Variants in KCNH5 observed in about 807,000 individuals in gnomAD.
KCNH5 encodes the protein potassium voltage-gated channel subfamily H member 5.
In KCNH5, 46 loss-of-function variants were observed where a neutral mutation model predicts 96.1. The ratio of observed to expected loss-of-function variants is 0.48; its 90% CI spans 0.38 to 0.61. The LOEUF (loss-of-function observed/expected upper bound fraction) is 0.61. Among genes scored for constraint, KCNH5 ranks in the 20% least tolerant of loss-of-function variants. The pLI is 0.00. For missense variants in KCNH5, 907 were observed against 1,225.8 expected (o/e 0.74, Z 3.88); for synonymous variants, 439 against 449.8 (o/e 0.98, Z 0.30).
chr14:62,960,822 T>C (rs188147196), intron 6 of KCNH5, among the ~76,000 whole-genome samples: 10 of 152,284 alleles, frequency 6.6e-5, no homozygotes, highest in African/African-American at 2.2e-4. Flanking sequence ...ATGGATTAGC[T>C]AGCATCCTTC....
chr14:62,741,790 A>C (rs1451390835), intron 10 of KCNH5, among the ~76,000 whole-genome samples: 1 of 152,160 alleles, frequency 6.6e-6, no homozygotes, highest in Non-Finnish European at 1.5e-5. Flanking sequence ...TAGCCTCTAC[A>C]TTTGTGTTTT....
Position 63,035,951 on chromosome 14 carries a change from A to G in KCNH5, c.73+9163T>C, listed in dbSNP as rs150815457. On this transcript the variant is annotated intron_variant, in intron 1 of 10. Coordinates refer to ENST00000322893, the MANE Select transcript of KCNH5 (RefSeq NM_139318.5). ...TCACCAGGAGTAAGGGCTAGACAGGAGTCTGTGTTGTCAAGAACTCAACAC... is the reference window on the plus strand; with the variant it reads ...TCACCAGGAGTAAGGGCTAGACAGGGGTCTGTGTTGTCAAGAACTCAACAC... 4.8e-3 allele frequency among the ~76,000 whole-genome samples: 732 copies of G among 152,308 alleles called. 6 individuals are homozygous for G. The highest frequency in any genetic ancestry group is 4.9e-3 in the Non-Finnish European group (331 of 68,024).
chr14:62,939,831 T>G (rs1889754782), intron 7 of KCNH5, among the ~76,000 whole-genome samples: 1 of 151,912 alleles, frequency 6.6e-6, no homozygotes, highest in Non-Finnish European at 1.5e-5. Flanking sequence ...CCCCAGTTAC[T>G]TGGGAGGCTG....
At chr14:63,025,602 T>C (rs573685417) in intron 1 of KCNH5, among the ~76,000 whole-genome samples, 2 of 124,852 alleles carry the variant, frequency 1.6e-5, no homozygotes, top group Non-Finnish European at 3.3e-5. Flanking sequence ...AAGAAAACAA[T>C]ACCATTTACA....
chr14:62,814,422 A>G (rs1343061086), intron 8 of KCNH5, among the ~76,000 whole-genome samples: 2 of 152,132 alleles, frequency 1.3e-5, no homozygotes, highest in Admixed American at 6.6e-5. Flanking sequence ...GTGCTTTTAC[A>G]TACCTGTGAA....
At chr14:62,912,372 A>G (rs1035661244) in intron 7 of KCNH5, among the ~76,000 whole-genome samples, 1 of 151,204 alleles carries the variant, frequency 6.6e-6, no homozygotes, top group Non-Finnish European at 1.5e-5. Flanking sequence ...ACTTTCTCTT[A>G]TCTTGCTTTA....
At chr14:62,802,875 G>C (rs1275704355) in intron 8 of KCNH5, among the ~76,000 whole-genome samples, 2 of 152,174 alleles carry the variant, frequency 1.3e-5, no homozygotes, top group Admixed American at 1.3e-4. Context: ...GCTGGGCATG[G>C]TGGCTTCTGT....
chr14:62,745,482 C>G (rs1263324736), intron 10 of KCNH5, among the ~76,000 whole-genome samples: 1 of 152,170 alleles, frequency 6.6e-6, no homozygotes, highest in Admixed American at 6.5e-5. Context: ...TCAACTCTGT[C>G]AACAAGTATA....
intron 10 of KCNH5, among the ~76,000 whole-genome samples, chr14:62,768,368 T>C (rs12436815): frequency 0.42 from 63,848 of 152,042 alleles, 14,000 homozygotes; most frequent in South Asian, 0.7. Context: ...CAAACCCTTG[T>C]TTTCTAATTC....
At chr14:62,885,784 C>G (rs1217782775) in intron 7 of KCNH5, among the ~76,000 whole-genome samples, 1 of 152,124 alleles carries the variant, frequency 6.6e-6, no homozygotes, top group Non-Finnish European at 1.5e-5. Context: ...CCTAAACATC[C>G]TTTTGTGTTT....
At chr14:62,718,196 T>C (rs1299486416) in intron 10 of KCNH5, among the ~76,000 whole-genome samples, 3 of 152,078 alleles carry the variant, frequency 2.0e-5, no homozygotes, top group Non-Finnish European at 4.4e-5. Context: ...GGGTACTCTG[T>C]TCACTATTTG....
At chr14:62,876,358 T>C (rs1888372261) in intron 7 of KCNH5, among the ~76,000 whole-genome samples, 1 of 152,138 alleles carries the variant, frequency 6.6e-6, no homozygotes, top group Non-Finnish European at 1.5e-5. Context: ...TTTTATCCAG[T>C]GCAATAATGC....
chr14:63,004,186 T>TA (rs760233239), intron 3 of KCNH5, among the ~76,000 whole-genome samples: 9 of 152,234 alleles, frequency 5.9e-5, no homozygotes, highest in Non-Finnish European at 1.3e-4. Context: ...ACACTTTTTT[T>TA]AAATCACAAA....
intron 8 of KCNH5, among the ~76,000 whole-genome samples, chr14:62,811,558 C>T (rs767910400): frequency 7.9e-5 from 12 of 152,124 alleles, no homozygotes; most frequent in Non-Finnish European, 1.5e-4. Context: ...AGTATAGACA[C>T]AGCTTTCTCA....
intron 9 of KCNH5, 101 bp from the exon 10 acceptor site, chr14:62,780,025 AT>A: frequency 1.1e-6 from 1 of 921,422 alleles, no homozygotes; most frequent in Non-Finnish European, 1.6e-6. Context: ...TTCTAGCATA[AT>A]TTAGAGCTGA....
chr14:62,834,102 G>A (rs28502290), intron 8 of KCNH5, among the ~76,000 whole-genome samples: 13 of 151,710 alleles, frequency 8.6e-5, no homozygotes, highest in South Asian at 4.2e-4. Context: ...ATTTTCTCTC[G>A]TGGCTTTTAT....
rs1441361024 is a variant in KCNH5 at position 62,704,924 on chromosome 14, C to T, written c.*2584G>A. The T allele has an allele frequency of 6.6e-6, 1 of 151,896 alleles. No homozygotes were observed. Among genetic ancestry groups the T allele is most frequent in the African/African-American group, 2.4e-5 (1 of 41,412 alleles). The allele number at this position is 151,896 out of a possible 1,614,324, so 9.4% of individuals were successfully genotyped here. On this transcript the variant is annotated 3_prime_UTR_variant, in exon 11 of 11. Coordinates refer to ENST00000322893, the MANE Select transcript of KCNH5 (RefSeq NM_139318.5). ...TTGTGGAATCTGGGAACCTAAAAGACTACTCTATATACAATGTTTGCTGAA... is the reference window on the plus strand; with the variant it reads ...TTGTGGAATCTGGGAACCTAAAAGATTACTCTATATACAATGTTTGCTGAA...
At chr14:62,709,092 G>C (rs1022391491) in intron 10 of KCNH5, among the ~76,000 whole-genome samples, 3 of 151,494 alleles carry the variant, frequency 2.0e-5, no homozygotes, top group East Asian at 1.9e-4. Context: ...AATTAGCCGG[G>C]CGCAGTGGCG....
rs775719605 is a variant in KCNH5, at chr14:63,045,172, C to G, written c.15G>C (p.Lys5Asn). 24 of 1,613,594 alleles carry G rather than the reference C, an allele frequency of 1.5e-5. 1 individual carries two copies. Among genetic ancestry groups the G allele is most frequent in the Middle Eastern group, 3.4e-4 (2 of 5,914 alleles). ...TGTTCTGCGGTGCCACCAGCCCTCT[C>G]TTGCCCCCCGGCATCCTGGGTCTGG... The part of the protein sequence containing the change: MPGG[K>N]RGLVAPQNTF... Residue 5 changes from lysine to asparagine, a missense_variant, in exon 1 of 11, where the codon AAG becomes AAC. Physicochemically the swap from Lys to Asn is moderately conservative, Grantham distance 94 (BLOSUM62 0). This residue lies in a region of KCNH5 where 370 missense variants were observed against 561.3 expected (regional missense o/e 0.66). Coordinates refer to ENST00000322893, the MANE Select transcript of KCNH5 (RefSeq NM_139318.5).
Sources: allele counts gnomAD v4.1 joint callset (sites outside exome capture counted in the v4.1 genomes callset), GRCh38; gene constraint gnomAD v4.1.1; regional missense constraint gnomAD v4.1.1; transcripts MANE v1.5; gene names NCBI Gene and HGNC (gene_info 2026-07-23, HGNC 2026-07-21).